EPB41L2: variants seen among roughly 807,000 people sequenced by gnomAD.
The protein encoded by EPB41L2 is erythrocyte membrane protein band 4.1 like 2, also known as band 4.1-like protein 2.
A neutral mutation model predicts 113.0 loss-of-function variants in EPB41L2; 43 were observed. The ratio of observed to expected loss-of-function variants is 0.38; its 90% confidence interval spans 0.30 to 0.49. The LOEUF is 0.49. EPB41L2 is among the 20% of genes least tolerant of loss of function. The probability of loss-of-function intolerance (pLI) is 0.95; values close to 1 mark genes in which losing one functional copy is unlikely to be tolerated. For synonymous variants in EPB41L2, 442 were observed against 436.7 expected (o/e 1.01, Z -0.15); for missense variants, 1,147 against 1,223.4 (o/e 0.94, Z 0.93).
At chr6:130,894,265 C>A in intron 10 of EPB41L2, 79 bp downstream of exon 10, 1 of 1,140,968 alleles carries the variant, frequency 8.8e-7, no homozygotes, top group Non-Finnish European at 1.3e-6. Flanking sequence ...AGTGATCCTC[C>A]CACCTCTGCC....
chr6:130,977,251 T>C (rs1420443906), intron 1 of EPB41L2, among the ~76,000 whole-genome samples: 3 of 152,202 alleles, frequency 2.0e-5, no homozygotes. Context: ...AAATGGAATT[T>C]GTAAAGAATC....
intron 3 of EPB41L2, among the ~76,000 whole-genome samples, chr6:130,932,605 CCTAT>C (rs1187094160): frequency 2.0e-5 from 3 of 152,180 alleles, no homozygotes; most frequent in African/African-American, 7.2e-5. Context: ...AATATCCTTC[CCTAT>C]GAAGCCTGTT....
intron 3 of EPB41L2, among the ~76,000 whole-genome samples, chr6:130,946,621 A>G (rs1161035472): frequency 6.6e-6 from 1 of 152,184 alleles, no homozygotes; most frequent in Non-Finnish European, 1.5e-5. Context: ...AAGCCATAAA[A>G]AGTAGAGGAT....
chr6:131,023,747 C>G (rs9321270), intron 1 of EPB41L2, among the ~76,000 whole-genome samples: 1 of 123,034 alleles, frequency 8.1e-6, no homozygotes, highest in Non-Finnish European at 1.8e-5. Flanking sequence ...ATCTATATAT[C>G]TATATATAGA....
At chr6:131,021,343 A>G (rs1789434425) in intron 1 of EPB41L2, among the ~76,000 whole-genome samples, 1 of 152,212 alleles carries the variant, frequency 6.6e-6, no homozygotes, top group African/African-American at 2.4e-5. Flanking sequence ...AGAACTGCAC[A>G]CCACTACCCT....
Position 130,867,968 on chromosome 6 carries a change from ACACACT to A in EPB41L2, c.2608-393_2608-388del, listed in dbSNP as rs1352704759. On this transcript the variant is annotated intron_variant, in intron 15 of 19. Transcript: ENST00000337057. ...CACACACACACACACACACACACAC[ACACACT>A]CTCTCTCTCTCTCTCTCTCTCTCTC... 3.9e-3 allele frequency: 521 copies of A among 133,274 alleles called. 4 individuals are homozygous for A. The highest frequency in any genetic ancestry group is 0.032 in the South Asian group (175 of 5,510). The allele number at this position is 133,274 out of a possible 1,614,324, so 8.3% of individuals were successfully genotyped here.
chr6:131,008,840 T>C (rs1436822752), intron 1 of EPB41L2, among the ~76,000 whole-genome samples: 4 of 152,214 alleles, frequency 2.6e-5, no homozygotes, highest in African/African-American at 9.6e-5. Context: ...TTTCTCCCGT[T>C]TGGAATGGTA....
chr6:131,039,585 T>C (rs913176882), intron 1 of EPB41L2, among the ~76,000 whole-genome samples: 1 of 152,200 alleles, frequency 6.6e-6, no homozygotes, highest in African/African-American at 2.4e-5. Flanking sequence ...TTTCCTATAA[T>C]GTAAATGCTT....
chr6:130,988,120 A>T (rs1276429290), intron 1 of EPB41L2, among the ~76,000 whole-genome samples: 1 of 152,190 alleles, frequency 6.6e-6, no homozygotes, highest in Non-Finnish European at 1.5e-5. Flanking sequence ...TGTCTCAAAA[A>T]TAAATAAATA....
chr6:131,002,333 G>C (rs1053491880), intron 1 of EPB41L2, among the ~76,000 whole-genome samples: 3 of 152,164 alleles, frequency 2.0e-5, no homozygotes, highest in Admixed American at 6.5e-5. Flanking sequence ...CTATGGAGTC[G>C]AGGGAAAGTG....
chr6:130,914,693 A>G (rs1010090259), intron 4 of EPB41L2, among the ~76,000 whole-genome samples: 1 of 152,178 alleles, frequency 6.6e-6, no homozygotes, highest in African/African-American at 2.4e-5. Flanking sequence ...ATTAAGGTAT[A>G]AGCAACCATG....
intron 1 of EPB41L2, among the ~76,000 whole-genome samples, chr6:131,050,156 T>C (rs1796245216): frequency 6.6e-6 from 1 of 152,118 alleles, no homozygotes; most frequent in African/African-American, 2.4e-5. Flanking sequence ...CTGGCCAACA[T>C]GGCAAAACCC....
At chr6:131,033,751 A>G (rs886280065) in intron 1 of EPB41L2, among the ~76,000 whole-genome samples, 4 of 152,242 alleles carry the variant, frequency 2.6e-5, no homozygotes, top group African/African-American at 7.2e-5. Context: ...ATATAAACAG[A>G]AAGTAAAATA....
At chr6:130,873,312 G>T (rs1324817405) in intron 14 of EPB41L2, among the ~76,000 whole-genome samples, 1 of 152,170 alleles carries the variant, frequency 6.6e-6, no homozygotes, top group Non-Finnish European at 1.5e-5. Context: ...ATTTAACTTT[G>T]CTGTGTCTGG....
chr6:130,916,000 GTC>G (rs2128527057), intron 4 of EPB41L2, among the ~76,000 whole-genome samples: 1 of 152,220 alleles, frequency 6.6e-6, no homozygotes, highest in South Asian at 2.1e-4. Context: ...CTATTACTTT[GTC>G]TCCAATTTTA....
intron 12 of EPB41L2, chr6:130,883,090 T>C (rs1789828303): frequency 6.5e-6 from 1 of 152,686 alleles, no homozygotes; most frequent in Admixed American, 6.5e-5. Context: ...GCAAGTCCAT[T>C]TCAGGGACAG....
At chr6:131,005,632 G>T (rs912925728) in intron 1 of EPB41L2, among the ~76,000 whole-genome samples, 22 of 152,302 alleles carry the variant, frequency 1.4e-4, no homozygotes, top group African/African-American at 5.3e-4. Context: ...GCACAGGGCA[G>T]AAGACTATGC....
chr6:131,043,456 A>G (rs1350099267), intron 1 of EPB41L2, among the ~76,000 whole-genome samples: 1 of 152,198 alleles, frequency 6.6e-6, no homozygotes, highest in Non-Finnish European at 1.5e-5. Flanking sequence ...AAGCCTCTGC[A>G]TGTACTACCA....
At chr6:130,856,652 T>C (rs977712230) in intron 19 of EPB41L2, among the ~76,000 whole-genome samples, 2 of 152,268 alleles carry the variant, frequency 1.3e-5, no homozygotes, top group African/African-American at 4.8e-5. Context: ...AATGAAAATG[T>C]GTAACCTGTG....
Sources: gnomAD v4.1 joint callset for allele counts (sites outside exome capture counted in the v4.1 genomes callset) on GRCh38, gnomAD v4.1.1 for gene constraint, MANE v1.5 for transcripts, NCBI Gene and HGNC (gene_info 2026-07-23, HGNC 2026-07-21) for gene names.